The following KIAA1958 variants were observed in gnomAD, a reference collection of about 807,000 sequenced individuals.
The protein encoded by KIAA1958 is uncharacterized protein KIAA1958.
KIAA1958 carries 14 observed loss-of-function variants against 47.2 expected under a neutral mutation model. That is an observed-to-expected ratio of 0.30 (90% CI 0.20 to 0.46). The LOEUF (loss-of-function observed/expected upper bound fraction) is 0.46, where lower values mean the gene tolerates loss of function less well. Among genes scored for constraint, KIAA1958 ranks in the 20% least tolerant of loss-of-function variants. The pLI is 1.00. For missense variants in KIAA1958, 803 were observed against 909.2 expected (o/e 0.88, Z 1.50); for synonymous variants, 354 against 353.3 (o/e 1.00, Z -0.02).
rs768593560 is a variant in KIAA1958 at position 112,544,506 on chromosome 9, GAATA to G, written c.-24-29533_-24-29530del. Among the ~76,000 whole-genome samples, 73 of 151,950 alleles carry G rather than the reference GAATA, an allele frequency of 4.8e-4. 3 individuals are homozygous for G. Among genetic ancestry groups the G allele is most frequent in the East Asian group, 1.9e-3 (10 of 5,164 alleles). ...GGTGTTCAGTTAATGGTTCAGTTAT[GAATA>G]AATAAATAAATAAATAAGTCAGGAT... On this transcript the variant is annotated intron_variant, in intron 1 of 3. Coordinates refer to ENST00000337530, the MANE Select transcript of KIAA1958 (RefSeq NM_133465.4).
chr9:112,667,502 G>C lies in KIAA1958; in HGVS notation c.*7433G>C, dbSNP rs888867456. ...GAGGCGGGAGAATCGCTTGAACCCA[G>C]GAGGCGGAGGTTTCAGTGAGCCGAG... On this transcript the variant is annotated 3_prime_UTR_variant, in exon 4 of 4. Transcript: ENST00000337530. 8.5e-5 allele frequency: 13 copies of C among 152,306 alleles called. No homozygotes were observed. Among genetic ancestry groups the C allele is most frequent in the African/African-American group, 3.1e-4 (13 of 41,544 alleles). 9.4% of individuals were successfully genotyped at this position (152,306 alleles called of 1,614,324 possible). A position where few individuals can be genotyped will look rare whatever the true frequency, so the allele number is the denominator to read the frequency against.
chr9:112,518,182 A>G (rs937203166), intron 1 of KIAA1958, among the ~76,000 whole-genome samples: 5 of 152,208 alleles, frequency 3.3e-5, no homozygotes, highest in African/African-American at 1.2e-4. Context: ...GACTCTTAAA[A>G]AATTGAAAAG....
intron 2 of KIAA1958, among the ~76,000 whole-genome samples, chr9:112,609,756 T>G (rs1164823243): frequency 6.6e-6 from 1 of 152,112 alleles, no homozygotes; most frequent in Non-Finnish European, 1.5e-5. Context: ...CTCACTGTGT[T>G]GCCCAGGCTG....
At chr9:112,534,276 A>G (rs1834814692) in intron 1 of KIAA1958, among the ~76,000 whole-genome samples, 2 of 152,228 alleles carry the variant, frequency 1.3e-5, no homozygotes, top group African/African-American at 2.4e-5. Context: ...AGCGTCTAGC[A>G]GAGGCATGTC....
chr9:112,554,370 C>T (rs914836544), intron 1 of KIAA1958, among the ~76,000 whole-genome samples: 8 of 151,882 alleles, frequency 5.3e-5, no homozygotes, highest in Non-Finnish European at 8.8e-5. Flanking sequence ...TGGTGGTGTG[C>T]GCCTGTAATC....
chr9:112,615,894 A>G (rs1243464921), intron 2 of KIAA1958, among the ~76,000 whole-genome samples: 2 of 152,184 alleles, frequency 1.3e-5, no homozygotes, highest in African/African-American at 2.4e-5. Context: ...CATCTCAGAC[A>G]AGAAAGTTTT....
At chr9:112,579,084 AT>A (rs1835695702) in intron 2 of KIAA1958, among the ~76,000 whole-genome samples, 1 of 151,988 alleles carries the variant, frequency 6.6e-6, no homozygotes, top group South Asian at 2.1e-4. Context: ...TTCTGGATAT[AT>A]TAGAAATAGT....
At chr9:112,637,430 G>A (rs560116448) in intron 2 of KIAA1958, among the ~76,000 whole-genome samples, 1 of 152,156 alleles carries the variant, frequency 6.6e-6, no homozygotes, top group South Asian at 2.1e-4. Flanking sequence ...TGCCCAGGCT[G>A]GAGTGAAGTG....
intron 1 of KIAA1958, among the ~76,000 whole-genome samples, chr9:112,542,367 A>G (rs1178221536): frequency 6.6e-6 from 1 of 152,154 alleles, no homozygotes; most frequent in African/African-American, 2.4e-5. Flanking sequence ...AGTTTTCCCA[A>G]TAGGGTAAAG....
chr9:112,558,924 A>G (rs10739364), intron 1 of KIAA1958, among the ~76,000 whole-genome samples: 145,516 of 152,320 alleles, frequency 0.96, 69,586 homozygotes, highest in African/African-American at 0.99. Context: ...GGTACAAAGT[A>G]TTATATAATA....
intron 2 of KIAA1958, among the ~76,000 whole-genome samples, chr9:112,613,210 G>A (rs1836356839): frequency 6.6e-6 from 1 of 152,130 alleles, no homozygotes; most frequent in Non-Finnish European, 1.5e-5. Context: ...CTATATGCTT[G>A]TATTGACTGT....
chr9:112,614,162 G>T (rs947625587), intron 2 of KIAA1958, among the ~76,000 whole-genome samples: 9 of 152,100 alleles, frequency 5.9e-5, no homozygotes, highest in African/African-American at 2.2e-4. Flanking sequence ...AGACACAAAA[G>T]AGTTTACGTT....
intron 1 of KIAA1958, among the ~76,000 whole-genome samples, chr9:112,533,580 CAAAAAAAAAAA>C (rs57032014): frequency 1.6e-5 from 2 of 125,418 alleles, no homozygotes; most frequent in Non-Finnish European, 1.6e-5. Context: ...GACTCCATCC[CAAAAAAAAAAA>C]AAAAAAAAAA....
intron 3 of KIAA1958, among the ~76,000 whole-genome samples, chr9:112,654,006 C>T (rs1813607968): frequency 6.6e-6 from 1 of 152,144 alleles, no homozygotes; most frequent in South Asian, 2.1e-4. Context: ...AAATAAGTCA[C>T]GTGGCTAGCC....
chr9:112,588,318 G>C (rs1835864459), intron 2 of KIAA1958, among the ~76,000 whole-genome samples: 1 of 152,156 alleles, frequency 6.6e-6, no homozygotes, highest in African/African-American at 2.4e-5. Flanking sequence ...GGTGCAGTCA[G>C]AGAAGAATGT....
chr9:112,632,920 T>C, intron 2 of KIAA1958, among the ~76,000 whole-genome samples: 1 of 143,460 alleles, frequency 7.0e-6, no homozygotes. Flanking sequence ...TTTTTTTTTT[T>C]TTTAAAAAAA....
chr9:112,565,229 C>T (rs116374468), intron 1 of KIAA1958, among the ~76,000 whole-genome samples: 1,900 of 152,300 alleles, frequency 0.012, 36 homozygotes, highest in African/African-American at 0.043. Flanking sequence ...TATACTTAAC[C>T]TAAACTCCAC....
intron 3 of KIAA1958, among the ~76,000 whole-genome samples, chr9:112,650,447 A>G (rs1267705485): frequency 2.6e-5 from 4 of 152,216 alleles, no homozygotes; most frequent in Admixed American, 6.5e-5. Flanking sequence ...ATGAAAGGGT[A>G]GTGTTGTAAA....
intron 1 of KIAA1958, 96 bp from the exon 2 acceptor site, chr9:112,573,961 T>C: frequency 3.1e-6 from 2 of 654,108 alleles, no homozygotes; most frequent in South Asian, 2.7e-5. Flanking sequence ...GTTTTTTTTT[T>C]ATGCCAAATG....
Sources: gnomAD v4.1 joint callset for allele counts (sites outside exome capture counted in the v4.1 genomes callset) on GRCh38, gnomAD v4.1.1 for gene constraint, MANE v1.5 for transcripts, NCBI Gene and HGNC (gene_info 2026-07-23, HGNC 2026-07-21) for gene names.